MAPK10: variants seen among roughly 807,000 people sequenced by gnomAD.
The protein encoded by MAPK10 is mitogen-activated protein kinase 10, also known as JNK3 alpha protein kinase.
A neutral mutation model predicts 59.3 loss-of-function variants in MAPK10; 25 were observed. The ratio of observed to expected loss-of-function variants is 0.42; its 90% confidence interval spans 0.31 to 0.59. MAPK10 has a LOEUF of 0.59. MAPK10 is among the 20% of genes least tolerant of loss of function. MAPK10 has a pLI of 0.15. For synonymous variants in MAPK10, 190 were observed against 200.5 expected (o/e 0.95, Z 0.44); for missense variants, 351 against 568.9 (o/e 0.62, Z 3.90).
intron 1 of MAPK10, among the ~76,000 whole-genome samples, chr4:86,427,238 CAG>C (rs1235108433): frequency 8.6e-6 from 1 of 116,318 alleles, no homozygotes; most frequent in African/African-American, 3.4e-5. Flanking sequence ...GCCTGGGCGA[CAG>C]AGCAAGATTC....
At chr4:86,098,794 T>C (rs2054730632) in intron 8 of MAPK10, 199 bp from the exon 9 acceptor site, 1 of 514,314 alleles carries the variant, frequency 1.9e-6, no homozygotes, top group Non-Finnish European at 3.5e-6. Context: ...GAACTCAAAT[T>C]AATGTTTAAA....
At chr4:86,242,744 T>C (rs1256941381) in intron 2 of MAPK10, among the ~76,000 whole-genome samples, 1 of 152,208 alleles carries the variant, frequency 6.6e-6, no homozygotes, top group Non-Finnish European at 1.5e-5. Flanking sequence ...TAGGTGCTGC[T>C]CTTCCCCTGC....
chr4:86,419,472 C>T (rs1283032693), intron 1 of MAPK10, among the ~76,000 whole-genome samples: 2 of 152,124 alleles, frequency 1.3e-5, no homozygotes, highest in African/African-American at 2.4e-5. Flanking sequence ...CCTAATTACA[C>T]TGTAGGACTC....
chr4:86,225,983 G>A (rs2090547619), intron 2 of MAPK10, among the ~76,000 whole-genome samples: 1 of 152,062 alleles, frequency 6.6e-6, no homozygotes, highest in East Asian at 1.9e-4. Flanking sequence ...ATATAGACAG[G>A]GATGTTTAAC....
intron 9 of MAPK10, among the ~76,000 whole-genome samples, chr4:86,091,896 T>A (rs1042916602): frequency 3.3e-5 from 5 of 151,846 alleles, no homozygotes; most frequent in African/African-American, 4.8e-5. Context: ...ATGGTCTTGA[T>A]CTCCTGACCT....
At chr4:86,228,494 C>A (rs888500191) in intron 2 of MAPK10, among the ~76,000 whole-genome samples, 1 of 152,162 alleles carries the variant, frequency 6.6e-6, no homozygotes, top group Admixed American at 6.5e-5. Context: ...TACTTTTTAA[C>A]TTATTTTTAT....
intron 2 of MAPK10, among the ~76,000 whole-genome samples, chr4:86,301,523 C>T (rs973122343): frequency 1.3e-5 from 2 of 152,034 alleles, no homozygotes; most frequent in African/African-American, 4.8e-5. Context: ...ATATAATATA[C>T]TTAGCAATGA....
At chr4:86,434,083 C>T (rs906566253) in intron 1 of MAPK10, among the ~76,000 whole-genome samples, 54 of 152,002 alleles carry the variant, frequency 3.6e-4, no homozygotes, top group African/African-American at 1.3e-3. Flanking sequence ...TAAACTTTAA[C>T]GCCATGAATC....
intron 2 of MAPK10, among the ~76,000 whole-genome samples, chr4:86,218,366 G>A (rs2088380085): frequency 6.6e-6 from 1 of 152,056 alleles, no homozygotes; most frequent in African/African-American, 2.4e-5. Context: ...ATTTTTAGTA[G>A]AGACAGGGTT....
chr4:86,105,734 A>G (rs2056424920), intron 5 of MAPK10, among the ~76,000 whole-genome samples: 1 of 152,144 alleles, frequency 6.6e-6, no homozygotes, highest in Non-Finnish European at 1.5e-5. Flanking sequence ...AACTCTTCAT[A>G]GGAACCATCC....
intron 2 of MAPK10, among the ~76,000 whole-genome samples, chr4:86,236,913 GGTTT>G (rs1209820976): frequency 6.6e-6 from 1 of 152,116 alleles, no homozygotes; most frequent in Non-Finnish European, 1.5e-5. Flanking sequence ...AGAACGTGCA[GGTTT>G]GTTACACAGG....
intron 2 of MAPK10, among the ~76,000 whole-genome samples, chr4:86,351,186 A>C (rs1315307567): frequency 6.6e-6 from 1 of 151,834 alleles, no homozygotes; most frequent in Non-Finnish European, 1.5e-5. Flanking sequence ...CACAAAATGT[A>C]CTCTTAGTAC....
chr4:86,085,549 A>C (rs564637557), intron 9 of MAPK10, among the ~76,000 whole-genome samples: 1 of 152,216 alleles, frequency 6.6e-6, no homozygotes, highest in Non-Finnish European at 1.5e-5. Flanking sequence ...ACAATGAGAT[A>C]TCATCTCACC....
intron 1 of MAPK10, among the ~76,000 whole-genome samples, chr4:86,558,934 G>A (rs753617908): frequency 1.3e-5 from 2 of 151,932 alleles, no homozygotes; most frequent in Non-Finnish European, 2.9e-5. Flanking sequence ...AAATCTTGAT[G>A]GTAATATTAT....
At chr4:86,152,186 G>A (rs1562383394) in intron 4 of MAPK10, 1 of 152,140 alleles carries the variant, frequency 6.6e-6, no homozygotes, top group African/African-American at 2.4e-5. Flanking sequence ...TATATTTGGG[G>A]TTGCATCTCC....
Position 86,018,326 on chromosome 4 carries a change from G to A in MAPK10, c.1253-956C>T, listed in dbSNP as rs145494580. Among the ~76,000 whole-genome samples, 61 of 147,846 alleles carry A rather than the reference G, an allele frequency of 4.1e-4. 1 individual carries two copies. The East Asian group carries it at 9.8e-3, about 24-fold the overall frequency. On this transcript the variant is annotated intron_variant, in intron 13 of 13. Transcript: ENST00000641462. ...AAAATGCATATAGAAAAGCCAGTAGGACATAAGTAGGACTGTTGATGAAAG... is the reference window on the plus strand; with the variant it reads ...AAAATGCATATAGAAAAGCCAGTAGAACATAAGTAGGACTGTTGATGAAAG...
intron 2 of MAPK10, among the ~76,000 whole-genome samples, chr4:86,218,193 T>C (rs952458665): frequency 6.6e-6 from 1 of 152,116 alleles, no homozygotes; most frequent in Non-Finnish European, 1.5e-5. Context: ...TGTACATATA[T>C]ATAGGCTTAT....
intron 4 of MAPK10, among the ~76,000 whole-genome samples, chr4:86,144,516 C>A (rs560675632): frequency 2.0e-5 from 3 of 152,248 alleles, no homozygotes; most frequent in South Asian, 4.2e-4. Flanking sequence ...CCAGAGCATA[C>A]ATTTACATTC....
chr4:86,531,819 G>A (rs1461084616), intron 1 of MAPK10, among the ~76,000 whole-genome samples: 1 of 152,086 alleles, frequency 6.6e-6, no homozygotes, highest in Admixed American at 6.6e-5. Context: ...CTCAGCCAAA[G>A]ATCCCACTTA....
Sources: allele counts gnomAD v4.1 joint callset (sites outside exome capture counted in the v4.1 genomes callset), GRCh38; gene constraint gnomAD v4.1.1; transcripts MANE v1.5; gene names NCBI Gene and HGNC (gene_info 2026-07-23, HGNC 2026-07-21).